Variants in CPA4 observed in about 807,000 individuals in gnomAD.
CPA4 encodes carboxypeptidase A3.
Under a neutral mutation model 54.7 loss-of-function variants are expected in CPA4, and 49 were observed. That is an observed-to-expected ratio of 0.90 (90% CI 0.71 to 1.14). The LOEUF is 1.14. Ranked by LOEUF, CPA4 falls within the 50% of genes most tolerant of loss-of-function variation. The pLI is 0.00. For synonymous variants in CPA4, 215 were observed against 206.8 expected (o/e 1.04, Z -0.34); for missense variants, 487 against 525.1 (o/e 0.93, Z 0.71).
intron 10 of CPA4, among the ~76,000 whole-genome samples, chr7:130,315,431 G>GT (rs55811503): frequency 0.27 from 41,605 of 151,776 alleles, 5,763 homozygotes; most frequent in South Asian, 0.39. Flanking sequence ...TGGTGAGGGT[G>GT]TTTTTTAGAA....
intron 10 of CPA4, among the ~76,000 whole-genome samples, chr7:130,319,269 C>G: frequency 6.6e-6 from 1 of 152,194 alleles, no homozygotes; most frequent in Non-Finnish European, 1.5e-5. Context: ...GTGGATAACA[C>G]AGTTTCATGT....
At chr7:130,304,951 A>G (rs1255261646) in intron 5 of CPA4, among the ~76,000 whole-genome samples, 1 of 152,166 alleles carries the variant, frequency 6.6e-6, no homozygotes, top group Non-Finnish European at 1.5e-5. Flanking sequence ...TGGAAAATCA[A>G]CTTAGGAAGT....
intron 1 of CPA4, among the ~76,000 whole-genome samples, chr7:130,297,832 G>C (rs1275246295): frequency 6.6e-6 from 1 of 152,136 alleles, no homozygotes; most frequent in African/African-American, 2.4e-5. Flanking sequence ...CAGCCTAATG[G>C]CTCCCATCTC....
chr7:130,299,254 T>C lies in CPA4; in HGVS notation c.151-16T>C, dbSNP rs1034393930. The stretch of plus-strand genomic sequence containing the variant: ...TGAACGGTCCTTTAACCTGGTTTCA[T>C]TTCTGTTCCCTTCAGCTCAATTTCT... On this transcript the variant is annotated splice_polypyrimidine_tract_variant and intron_variant, in intron 2 of 10. Coordinates refer to ENST00000222482, the MANE Select transcript of CPA4 (RefSeq NM_016352.4). 16 of 1,613,302 alleles carry C rather than the reference T, an allele frequency of 9.9e-6. No individual in the cohort carries two copies. Among genetic ancestry groups the C allele is most frequent in the Non-Finnish European group, 1.4e-5 (16 of 1,179,330 alleles).
rs1410765820 is a variant in CPA4 at position 130,308,222 on chromosome 7, T to G, written c.703-85T>G. The G allele has an allele frequency of 2.6e-6, 3 of 1,158,792 alleles. No homozygotes were observed. The African/African-American group carries it at 4.5e-5, about 18-fold the overall frequency. 71.8% of individuals were successfully genotyped at this position (1,158,792 alleles called of 1,614,324 possible). A position where few individuals can be genotyped will look rare whatever the true frequency, so the allele number is the denominator to read the frequency against. The stretch of plus-strand genomic sequence containing the variant: ...TGGCAGAACTGCAAGCAGCCTGCCC[T>G]GCCTGCGTGTCATCTCCACCCTAGC... On this transcript the variant is annotated intron_variant, in intron 7 of 10. Coordinates refer to ENST00000222482, the MANE Select transcript of CPA4 (RefSeq NM_016352.4).
At chr7:130,309,264 T>C (rs1015778897) in intron 8 of CPA4, among the ~76,000 whole-genome samples, 2 of 152,258 alleles carry the variant, frequency 1.3e-5, no homozygotes, top group African/African-American at 2.4e-5. Context: ...TCTATGCTAA[T>C]ATTTTAAAAA....
chr7:130,298,624 G>A (rs1793690295), intron 1 of CPA4, 122 bp from the exon 2 acceptor site: 2 of 644,144 alleles, frequency 3.1e-6, no homozygotes, highest in Non-Finnish European at 5.6e-6. Flanking sequence ...TAAAACCAAA[G>A]ACTAGACCAT....
At chr7:130,308,762 A>C (rs1021033806) in intron 8 of CPA4, among the ~76,000 whole-genome samples, 2 of 149,352 alleles carry the variant, frequency 1.3e-5, no homozygotes, top group Non-Finnish European at 2.9e-5. Context: ...CATGTTGGCC[A>C]GGATGGTTTT....
At chr7:130,316,909 CAA>C (rs55938623) in intron 10 of CPA4, among the ~76,000 whole-genome samples, 2,604 of 124,728 alleles carry the variant, frequency 0.021, 54 homozygotes, top group African/African-American at 0.068. Context: ...AACTCTGTCT[CAA>C]AAAAAAAAAA....
chr7:130,300,838 A>G lies in CPA4; in HGVS notation c.308A>G (p.Asp103Gly). 1.9e-6 allele frequency: 3 copies of G among 1,613,616 alleles called. No individual in the cohort carries two copies. The highest frequency in any genetic ancestry group is 2.5e-6 in the Non-Finnish European group (3 of 1,179,502). ...DLQALLDNED[D>G]EMQHNEGQER... ...CAGGCCCTTTTAGACAATGAAGATG[A>G]TGAAATGCAACACAATGAAGGGCAA... is the stretch of plus-strand genomic sequence containing the variant. Residue 103 changes from aspartate to glycine, a missense_variant, in exon 4 of 11, where the codon GAT (aspartate) becomes GGT (glycine). Asp to Gly is a moderately conservative substitution (Grantham distance 94). Coordinates refer to ENST00000222482, the MANE Select transcript of CPA4 (RefSeq NM_016352.4).
Position 130,308,300 on chromosome 7 carries a change from T to A in CPA4, c.703-7T>A, listed in dbSNP as rs374447866. The A allele has an allele frequency of 2.6e-4, 425 of 1,613,892 alleles. No individual in the cohort carries two copies. The Middle Eastern group carries it at 4.6e-3, about 18-fold the overall frequency. On this transcript the variant is annotated splice_polypyrimidine_tract_variant and splice_region_variant and intron_variant, in intron 7 of 10. Transcript: ENST00000222482. The stretch of plus-strand genomic sequence containing the variant: ...GTTGTTTGTCCCCTCCTTGGTGGCT[T>A]TTTCAGAACCGATTATGGAGGAAGA...
At position 130,293,386 on chromosome 7, in the gene CPA4, C is replaced by T. The variant is rs1479567447; in HGVS notation, c.68+138C>T. Reference sequence around the variant, plus strand: ...GTTCCAGCTTTGCCCCTGTGTCATCCTGGACAAGTCCACTCTCTTCTCTGA... The same window carrying T: ...GTTCCAGCTTTGCCCCTGTGTCATCTTGGACAAGTCCACTCTCTTCTCTGA... On this transcript the variant is annotated intron_variant, in intron 1 of 10. Coordinates refer to ENST00000222482, the MANE Select transcript of CPA4 (RefSeq NM_016352.4). 3 of 676,564 alleles carry T rather than the reference C, an allele frequency of 4.4e-6. No homozygotes were observed. The African/African-American group carries it at 5.4e-5, about 12-fold the overall frequency. 41.9% of individuals were successfully genotyped at this position (676,564 alleles called of 1,614,324 possible).
At chr7:130,300,487 C>G (rs1166661432) in intron 3 of CPA4, among the ~76,000 whole-genome samples, 2 of 151,928 alleles carry the variant, frequency 1.3e-5, no homozygotes, top group Non-Finnish European at 2.9e-5. Flanking sequence ...AGGCACGCAC[C>G]ACCACGCCCA....
At chr7:130,308,850 C>CTTTTTTTTT (rs1249548992) in intron 8 of CPA4, among the ~76,000 whole-genome samples, 9 of 120,274 alleles carry the variant, frequency 7.5e-5, no homozygotes, top group African/African-American at 2.9e-4. Context: ...CTAGCCCAGC[C>CTTTTTTTTT]TTTTTTTTTT....
intron 8 of CPA4, among the ~76,000 whole-genome samples, chr7:130,309,628 AT>A (rs1416954371): frequency 1.3e-5 from 2 of 152,188 alleles, no homozygotes; most frequent in Non-Finnish European, 2.9e-5. Context: ...GAATTTTATG[AT>A]CTGAAATGAG....
chr7:130,307,632 A>G (rs930046795), intron 7 of CPA4, among the ~76,000 whole-genome samples: 23 of 124,986 alleles, frequency 1.8e-4, no homozygotes, highest in Admixed American at 6.2e-4. Context: ...TCCATCTCAG[A>G]AAAAAAAAAA....
In CPA4 at chr7:130,305,989, T is replaced by G. The variant is rs1021776283; in HGVS notation, c.591+69T>G. 3.0e-6 allele frequency: 4 copies of G among 1,345,328 alleles called. No individual in the cohort carries two copies. The Admixed American group carries it at 5.0e-5, about 17-fold the overall frequency. 83.3% of individuals were successfully genotyped at this position (1,345,328 alleles called of 1,614,324 possible). On this transcript the variant is annotated intron_variant, in intron 6 of 10. Coordinates refer to ENST00000222482, the MANE Select transcript of CPA4 (RefSeq NM_016352.4). ...GTGCCCCTGCAGCATGCCATGTGGC[T>G]GGGCCTGGGGCACGAGGTGGGAGGG...
intron 5 of CPA4, 106 bp from the exon 6 acceptor site, chr7:130,305,710 T>G: frequency 1.2e-6 from 1 of 855,270 alleles, no homozygotes; most frequent in East Asian, 2.6e-5. Flanking sequence ...ATTTGATCTC[T>G]GAATTATCTT....
intron 9 of CPA4, among the ~76,000 whole-genome samples, 188 bp from the exon 10 acceptor site, chr7:130,311,850 G>A (rs768530805): frequency 7.9e-5 from 12 of 152,176 alleles, no homozygotes; most frequent in Non-Finnish European, 1.0e-4. Context: ...GGGAGAAGGA[G>A]TTGAAGGAAC....
Sources: allele counts gnomAD v4.1 joint callset (sites outside exome capture counted in the v4.1 genomes callset), GRCh38; gene constraint gnomAD v4.1.1; transcripts MANE v1.5; gene names NCBI Gene and HGNC (gene_info 2026-07-23, HGNC 2026-07-21).